Variants in COL5A1 observed in about 807,000 individuals in gnomAD.
COL5A1 encodes the protein collagen alpha-1(V) chain.
In COL5A1, 16 loss-of-function variants were observed where a neutral mutation model predicts 263.7. That is an observed-to-expected ratio of 0.06 (90% CI 0.04 to 0.09). COL5A1 has a LOEUF of 0.09. Among genes scored for constraint, COL5A1 ranks in the 10% least tolerant of loss-of-function variants. The probability of loss-of-function intolerance (pLI) is 1.00; values close to 1 mark genes in which losing one functional copy is unlikely to be tolerated. For synonymous variants in COL5A1, 1,012 were observed against 1,004.5 expected, an observed-to-expected ratio of 1.01 and a Z score of -0.14; for missense variants, 2,036 against 2,540.5, an observed-to-expected ratio of 0.80 and a Z score of 4.27.
In COL5A1 at chr9:134,834,988, C is replaced by T. The variant is rs147434147; in HGVS notation, c.5154C>T (p.Ala1718=). ...CCCCCCAGCTCTCCTATGTGGACGC[C>T]GAGGGCAACCCTGTGGGTGTGGTAC... The part of the protein sequence containing the change: ...KRGKLLSYVD[A]EGNPVGVVQM... Residue 1718 remains alanine (A), a synonymous_variant, in exon 65 of 66, where the codon GCC becomes GCT. Coordinates refer to ENST00000371817, the MANE Select transcript of COL5A1 (RefSeq NM_000093.5). 282 of 1,613,366 alleles carry T rather than the reference C, an allele frequency of 1.7e-4. No individual in the cohort carries two copies. Among genetic ancestry groups the T allele is most frequent in the Non-Finnish European group, 2.2e-4 (257 of 1,179,934 alleles).
At chr9:134,822,948 G>C (rs780875808) in intron 59 of COL5A1, 50 bp from the exon 60 acceptor site, 7 of 1,611,660 alleles carry the variant, frequency 4.3e-6, no homozygotes. Context: ...GCACGGTGGG[G>C]CTGGAGCTGA....
intron 2 of COL5A1, among the ~76,000 whole-genome samples, chr9:134,697,520 G>A (rs1219776239): frequency 6.6e-6 from 1 of 152,064 alleles, no homozygotes; most frequent in Non-Finnish European, 1.5e-5. Context: ...GGTGGGGACG[G>A]GAGCCAGGTG....
chr9:134,727,208 A>T, intron 4 of COL5A1, 58 bp from the exon 5 acceptor site: 1 of 1,596,598 alleles, frequency 6.3e-7, no homozygotes, highest in South Asian at 1.1e-5. Flanking sequence ...TGTGTCTCCC[A>T]GGTCCCCATG....
At chr9:134,809,709 G>C (rs187114904) in intron 43 of COL5A1, among the ~76,000 whole-genome samples, 38 of 152,316 alleles carry the variant, frequency 2.5e-4, no homozygotes, top group Admixed American at 1.9e-3. Context: ...TTAAGAATGT[G>C]CTTTATAATT....
chr9:134,668,047 G>A (rs999643446), intron 1 of COL5A1, among the ~76,000 whole-genome samples: 2 of 152,172 alleles, frequency 1.3e-5, no homozygotes, highest in African/African-American at 4.8e-5. Flanking sequence ...GATGTACCAG[G>A]CACTTTGGGT....
At chr9:134,835,636 G>A (rs1839826558) in intron 65 of COL5A1, among the ~76,000 whole-genome samples, 1 of 152,240 alleles carries the variant, frequency 6.6e-6, no homozygotes. Flanking sequence ...ACTGCAGACA[G>A]TTGCCAGCTC....
intron 1 of COL5A1, among the ~76,000 whole-genome samples, chr9:134,689,822 C>G (rs1833210236): frequency 8.0e-6 from 1 of 124,646 alleles, no homozygotes; most frequent in Non-Finnish European, 2.0e-5. Flanking sequence ...TCCTCCAACT[C>G]CCAGGCCGCC....
intron 2 of COL5A1, among the ~76,000 whole-genome samples, chr9:134,692,938 T>C (rs1833333870): frequency 6.6e-6 from 1 of 151,892 alleles, no homozygotes; most frequent in Non-Finnish European, 1.5e-5. Flanking sequence ...CTGGACGTGG[T>C]GGTGCGCGCC....
intron 63 of COL5A1, among the ~76,000 whole-genome samples, chr9:134,829,368 C>T (rs569291883): frequency 1.6e-4 from 24 of 148,258 alleles, no homozygotes; most frequent in Admixed American, 6.7e-4. Flanking sequence ...CATCCTCACG[C>T]GGCCTCCGGT....
Position 134,642,424 on chromosome 9 carries a change from A to C in COL5A1, c.109+128A>C. 1.8e-5 allele frequency: 3 copies of C among 162,546 alleles called. No individual in the cohort carries two copies. The highest frequency in any genetic ancestry group is 6.6e-5 in the Admixed American group (1 of 15,234). 10.1% of individuals were successfully genotyped at this position (162,546 alleles called of 1,614,324 possible). A position where few individuals can be genotyped will look rare whatever the true frequency, so the allele number is the denominator to read the frequency against. ...CCTGTGGAATGCACGGGCCAAGACC[A>C]CGAATGCCATTTGCTGGGGGCCCCC... On this transcript the variant is annotated intron_variant, in intron 1 of 65. Coordinates refer to ENST00000371817, the MANE Select transcript of COL5A1 (RefSeq NM_000093.5). The surrounding 1 kb of genome is among the most constrained non-coding windows in gnomAD (Gnocchi z 4.5).
chr9:134,784,773 C>T (rs1462559062), intron 29 of COL5A1, among the ~76,000 whole-genome samples: 2 of 152,270 alleles, frequency 1.3e-5, no homozygotes, highest in East Asian at 3.8e-4. Context: ...CCAGCTTCCG[C>T]AGAGCCCGGG....
intron 51 of COL5A1, 70 bp downstream of exon 51, chr9:134,815,699 C>A: frequency 2.0e-6 from 3 of 1,533,988 alleles, no homozygotes; most frequent in Non-Finnish European, 1.8e-6. Flanking sequence ...GCCCCATTTC[C>A]CCTCTTTCTG....
chr9:134,768,952 C>T (rs1261435699), intron 25 of COL5A1, among the ~76,000 whole-genome samples: 2 of 152,078 alleles, frequency 1.3e-5, no homozygotes, highest in Non-Finnish European at 1.5e-5. Flanking sequence ...GGTGACAAAT[C>T]CAATCTGTGT....
intron 11 of COL5A1, among the ~76,000 whole-genome samples, chr9:134,739,359 C>T (rs1444620304): frequency 2.0e-5 from 3 of 152,188 alleles, no homozygotes; most frequent in Non-Finnish European, 2.9e-5. Context: ...TCCGGCGGGG[C>T]GGGAGTTTTC....
In COL5A1 at chr9:134,814,072, G is replaced by A. The variant is rs949978390; in HGVS notation, c.3906+36G>A. 4 of 1,546,628 alleles carry A rather than the reference G, an allele frequency of 2.6e-6. No individual in the cohort carries two copies. In the African/African-American group the frequency reaches 5.5e-5, roughly 21 times the overall value. On this transcript the variant is annotated intron_variant, in intron 49 of 65. Coordinates refer to ENST00000371817, the MANE Select transcript of COL5A1 (RefSeq NM_000093.5). Reference sequence around the variant, plus strand: ...GGGCGCTGCGGGAGGGGTGGGATATGGCCGAGCGGGTGTGTGGACGGGGTG... The same window carrying A: ...GGGCGCTGCGGGAGGGGTGGGATATAGCCGAGCGGGTGTGTGGACGGGGTG...
intron 19 of COL5A1, among the ~76,000 whole-genome samples, chr9:134,763,428 GC>G (rs1836542617): frequency 6.6e-6 from 1 of 152,218 alleles, no homozygotes; most frequent in South Asian, 2.1e-4. Flanking sequence ...TGCTCTTTCT[GC>G]CCAGCCTTTC....
intron 1 of COL5A1, among the ~76,000 whole-genome samples, chr9:134,671,067 G>T (rs748829519): frequency 1.1e-4 from 17 of 151,880 alleles, no homozygotes; most frequent in Non-Finnish European, 2.1e-4. Flanking sequence ...TGACTCAGTC[G>T]TCTGGGGCAG....
intron 4 of COL5A1, chr9:134,708,424 T>TGG (rs1009441145): frequency 5.1e-6 from 2 of 390,542 alleles, no homozygotes; most frequent in African/African-American, 2.1e-5. Flanking sequence ...ACTCCCGGGG[T>TGG]GGGGGCTCTG....
chr9:134,820,068 G>C, intron 57 of COL5A1, 48 bp from the exon 58 acceptor site: 1 of 1,439,536 alleles, frequency 6.9e-7, no homozygotes, highest in Admixed American at 1.7e-5. Flanking sequence ...GGCCGAGCAT[G>C]AGGCGTGGCT....
Sources: gnomAD v4.1 joint callset for allele counts (sites outside exome capture counted in the v4.1 genomes callset) on GRCh38, gnomAD v4.1.1 for gene constraint, Gnocchi (gnomAD v3.1) non-coding constraint, MANE v1.5 for transcripts, NCBI Gene and HGNC (gene_info 2026-07-23, HGNC 2026-07-21) for gene names.